CLEC12A: variants seen among roughly 807,000 people sequenced by gnomAD.
The protein encoded by CLEC12A is C-type lectin protein CLL-1.
A neutral mutation model predicts 26.5 loss-of-function variants in CLEC12A; 22 were observed. The observed-to-expected ratio is 0.83, with a 90% CI of 0.59 to 1.19. The LOEUF (loss-of-function observed/expected upper bound fraction) is 1.19. CLEC12A is among the 50% of genes most tolerant of loss of function. The pLI, the probability that CLEC12A is intolerant of heterozygous loss-of-function variation, is 0.00. For missense variants in CLEC12A, 353 were observed against 315.6 expected, an observed-to-expected ratio of 1.12 and a Z score of -0.90; for synonymous variants, 119 against 101.9, an observed-to-expected ratio of 1.17 and a Z score of -1.01.
intron 1 of CLEC12A, among the ~76,000 whole-genome samples, chr12:9,964,775 G>A (rs1349915296): frequency 2.0e-5 from 3 of 152,200 alleles, no homozygotes; most frequent in Non-Finnish European, 4.4e-5. Context: ...AGCATAGCCT[G>A]CCTTTGCTGG....
intron 1 of CLEC12A, chr12:9,953,434 C>G (rs1863676924): frequency 8.6e-6 from 1 of 116,026 alleles, no homozygotes; most frequent in Admixed American, 8.9e-5. Context: ...GCCTGGCCAG[C>G]CGCCCCGTCC....
chr12:9,979,141 A>T (rs908587354), intron 2 of CLEC12A, 77 bp downstream of exon 2: 1 of 1,245,186 alleles, frequency 8.0e-7, no homozygotes, highest in Admixed American at 1.7e-5. Context: ...TTATTCCTTC[A>T]GTGGAAGATT....
chr12:9,954,906 T>C (rs1392079420), intron 1 of CLEC12A, among the ~76,000 whole-genome samples: 1 of 152,216 alleles, frequency 6.6e-6, no homozygotes, highest in Non-Finnish European at 1.5e-5. Context: ...TTTACATTTG[T>C]CTCTGCTAGA....
At position 9,984,901 on chromosome 12, in the gene CLEC12A, A is replaced by G. The variant is rs1404663208; in HGVS notation, c.673A>G (p.Met225Val). The G allele has an allele frequency of 4.5e-6, 7 of 1,564,082 alleles. No individual in the cohort carries two copies. Among genetic ancestry groups the G allele is most frequent in the African/African-American group, 4.1e-5 (3 of 72,916 alleles). Residue 225 changes from methionine (M) to valine (V), a missense_variant, in exon 6 of 6, where the codon ATG (methionine) becomes GTG (valine). Physicochemically the swap from Met to Val is conservative, Grantham distance 21 (BLOSUM62 1). Coordinates refer to ENST00000304361, the MANE Select transcript of CLEC12A (RefSeq NM_138337.6). Reference protein sequence around the residue: ...VIRNAPDLNNMYCGYINRLYV... With the variant: ...VIRNAPDLNNVYCGYINRLYV... ...AAGAAACGCACCTGACTTAAATAAC[A>G]TGTATTGTGGATATATAAATAGACT...
At chr12:9,962,176 G>A (rs1260989460) in intron 1 of CLEC12A, among the ~76,000 whole-genome samples, 1 of 151,056 alleles carries the variant, frequency 6.6e-6, no homozygotes, top group Non-Finnish European at 1.5e-5. Context: ...GGTTTCCTTT[G>A]GTCTTATCTC....
chr12:9,970,351 C>T (rs1260564790), upstream of CLEC12A, among the ~76,000 whole-genome samples: 4 of 151,816 alleles, frequency 2.6e-5, no homozygotes, highest in East Asian at 1.9e-4. Context: ...TTTGTTTTTC[C>T]TGTCTATCCT....
rs1864945172 is a variant in CLEC12A at position 9,993,414 on chromosome 12, A to AC, written n.1005-1604_1005-1603insC. 30 of 741,822 alleles carry AC rather than the reference A, an allele frequency of 4.0e-5. 1 individual carries two copies. The highest frequency in any genetic ancestry group is 6.4e-5 in the African/African-American group (3 of 46,516). The allele number at this position is 741,822 out of a possible 1,614,324, so 46.0% of individuals were successfully genotyped here. A position where few individuals can be genotyped will look rare whatever the true frequency, so the allele number is the denominator to read the frequency against. Reference sequence around the variant, plus strand: ...AAAATAGGAAAAAAAAACAAAAAAAAAAACGATTCTCATTGTTGAGAAAGT... The same window carrying AC: ...AAAATAGGAAAAAAAAACAAAAAAAACAAACGATTCTCATTGTTGAGAAAGT... On this transcript the variant is annotated intron_variant and non_coding_transcript_variant, in intron 4 of 4. Transcript: ENST00000449959.
At chr12:9,989,597 G>A (rs1864849174), downstream of CLEC12A, among the ~76,000 whole-genome samples, 1 of 152,162 alleles carries the variant, frequency 6.6e-6, no homozygotes. Context: ...AGCTAGCAGA[G>A]GTTGGTTCAT....
chr12:9,998,266 C>G, downstream of CLEC12A: 2 of 1,604,334 alleles, frequency 1.2e-6, no homozygotes, highest in Non-Finnish European at 1.7e-6. Context: ...AAATTTCTGG[C>G]AGAGTCAACA....
chr12:9,984,028 G>A, intron 5 of CLEC12A: 1 of 283,746 alleles, frequency 3.5e-6, no homozygotes, highest in Non-Finnish European at 7.0e-6. Flanking sequence ...ATCTATAATG[G>A]AATGGAAAAC....
downstream of CLEC12A, among the ~76,000 whole-genome samples, chr12:9,989,132 A>G (rs1165741793): frequency 1.4e-5 from 2 of 146,912 alleles, no homozygotes; most frequent in Non-Finnish European, 3.0e-5. Context: ...CAAACACCGC[A>G]TGTTCTCACT....
upstream of CLEC12A, among the ~76,000 whole-genome samples, chr12:9,967,388 A>G: frequency 6.6e-6 from 1 of 152,136 alleles, no homozygotes. Context: ...ATGGAAAGTG[A>G]CATTTTCTGG....
intron 3 of CLEC12A, 107 bp from the exon 4 acceptor site, chr12:9,980,472 AAAG>A: frequency 1.8e-6 from 2 of 1,140,088 alleles, no homozygotes; most frequent in South Asian, 3.2e-5. Flanking sequence ...AAAGAAAAAG[AAAG>A]AAGAATAAAC....
the CLEC12A span, among the ~76,000 whole-genome samples, chr12:10,003,419 T>C: frequency 6.6e-6 from 1 of 152,082 alleles, no homozygotes; most frequent in African/African-American, 2.4e-5. Flanking sequence ...TACCGCAAAG[T>C]TGATCAGGCA....
intron 1 of CLEC12A, among the ~76,000 whole-genome samples, chr12:9,952,343 G>A (rs1016950220): frequency 3.4e-4 from 51 of 150,284 alleles, no homozygotes; most frequent in African/African-American, 1.1e-3. Context: ...GCACCACCAC[G>A]CCTGACTGGT....
intron 4 of CLEC12A, chr12:9,991,332 T>C (rs1864888121): frequency 6.6e-6 from 1 of 152,206 alleles, no homozygotes; most frequent in Admixed American, 6.5e-5. Flanking sequence ...AGAATCACAG[T>C]GATTGGCCTA....
downstream of CLEC12A, among the ~76,000 whole-genome samples, chr12:9,995,956 G>C (rs982825907): frequency 4.6e-5 from 7 of 152,096 alleles, no homozygotes; most frequent in Non-Finnish European, 8.8e-5. Flanking sequence ...GCACATAGTT[G>C]CTGAATTAAT....
chr12:9,974,977 C>T (rs1276655867), intron 1 of CLEC12A, among the ~76,000 whole-genome samples: 2 of 152,108 alleles, frequency 1.3e-5, no homozygotes, highest in Non-Finnish European at 2.9e-5. Context: ...CTCATGAGAT[C>T]TGATGGTTTT....
intron 5 of CLEC12A, chr12:9,984,109 ATG>A (rs748511128): frequency 4.4e-4 from 103 of 232,396 alleles, no homozygotes; most frequent in Middle Eastern, 1.2e-3. Flanking sequence ...TGATATATAT[ATG>A]TGTGTGTGTG....
Sources: allele counts gnomAD v4.1 joint callset (sites outside exome capture counted in the v4.1 genomes callset), GRCh38; gene constraint gnomAD v4.1.1; transcripts MANE v1.5; gene names NCBI Gene and HGNC (gene_info 2026-07-23, HGNC 2026-07-21).